PHC3: variants seen among roughly 807,000 people sequenced by gnomAD.
PHC3 encodes the protein polyhomeotic homolog 3, also known as polyhomeotic-like protein 3.
Under a neutral mutation model 107.4 loss-of-function variants are expected in PHC3, and 13 were observed. That is an observed-to-expected ratio of 0.12 (90% confidence interval 0.08 to 0.19). The LOEUF is 0.19. Ranked by LOEUF, PHC3 falls within the 10% of genes least tolerant of loss-of-function variation. The pLI is 1.00. For synonymous variants in PHC3, 456 were observed against 427.4 expected (o/e 1.07, Z -0.83); for missense variants, 992 against 1,210.9 (o/e 0.82, Z 2.68).
chr3:170,106,767 G>GT, intron 12 of PHC3, 65 bp downstream of exon 12: 1 of 1,053,886 alleles, frequency 9.5e-7, no homozygotes, highest in Non-Finnish European at 1.4e-6. Context: ...CTATTCAAGG[G>GT]TTTTTTGGTT....
chr3:170,126,528 A>ATATATATATATATATATATATATATTT (rs370421296), intron 8 of PHC3, among the ~76,000 whole-genome samples: 2 of 90,618 alleles, frequency 2.2e-5, no homozygotes, highest in African/African-American at 9.0e-5. Context: ...ATATATATAT[A>ATATATATATATATATATATATATATTT]TTTTTTTTTT....
At chr3:170,176,868 CATTTT>C (rs1270723591) in intron 2 of PHC3, 2 of 452,438 alleles carry the variant, frequency 4.4e-6, no homozygotes, top group Non-Finnish European at 8.9e-6. Flanking sequence ...GTCTCACCCT[CATTTT>C]AGTTTTCTGA....
At chr3:170,135,118 G>A (rs950735796) in intron 7 of PHC3, among the ~76,000 whole-genome samples, 6 of 152,018 alleles carry the variant, frequency 3.9e-5, no homozygotes, top group Non-Finnish European at 8.8e-5. Flanking sequence ...ACCCGATGAG[G>A]TTGCTGGAAC....
chr3:170,088,988 A>G lies in PHC3; in HGVS notation c.*8242T>C, dbSNP rs1235257476. ...CGAGTCCAGCCTGGCCAACATGGTG[A>G]AACCCCATCTCTACTAAAAATACAA... On this transcript the variant is annotated 3_prime_UTR_variant, in exon 15 of 15. Transcript: ENST00000495893. 2 of 152,212 alleles carry G rather than the reference A, an allele frequency of 1.3e-5. No homozygotes were observed. The highest frequency in any genetic ancestry group is 4.8e-5 in the African/African-American group (2 of 41,432). The allele number at this position is 152,212 out of a possible 1,614,324, so 9.4% of individuals were successfully genotyped here.
intron 10 of PHC3, among the ~76,000 whole-genome samples, chr3:170,115,844 T>C (rs1444036770): frequency 6.6e-6 from 1 of 151,468 alleles, no homozygotes; most frequent in Admixed American, 6.6e-5. Flanking sequence ...CTCCATCCAC[T>C]GTATGAGAAT....
At chr3:170,153,235 G>A (rs1241089949) in intron 4 of PHC3, among the ~76,000 whole-genome samples, 1 of 152,098 alleles carries the variant, frequency 6.6e-6, no homozygotes, top group Non-Finnish European at 1.5e-5. Flanking sequence ...TCATCCTGAT[G>A]CTTCCCTCTC....
chr3:170,156,160 A>G (rs1275121269), intron 4 of PHC3, among the ~76,000 whole-genome samples: 2 of 152,182 alleles, frequency 1.3e-5, no homozygotes, highest in African/African-American at 4.8e-5. Flanking sequence ...TACGTAGTTC[A>G]GGCTGGTCTC....
chr3:170,149,427 A>G (rs1725538590), intron 4 of PHC3, among the ~76,000 whole-genome samples, 183 bp from the exon 5 acceptor site: 1 of 152,042 alleles, frequency 6.6e-6, no homozygotes, highest in Non-Finnish European at 1.5e-5. Flanking sequence ...ATATGCAAAC[A>G]ATGGCATGGA....
At chr3:170,167,160 A>C (rs1418542831) in intron 4 of PHC3, among the ~76,000 whole-genome samples, 1 of 151,844 alleles carries the variant, frequency 6.6e-6, no homozygotes, top group Admixed American at 6.6e-5. Flanking sequence ...ATATATTTCT[A>C]TTTTTTTAGA....
At chr3:170,167,305 C>T (rs1728886312) in intron 4 of PHC3, among the ~76,000 whole-genome samples, 1 of 152,196 alleles carries the variant, frequency 6.6e-6, no homozygotes, top group African/African-American at 2.4e-5. Flanking sequence ...CTTGCCACCA[C>T]ATCCAGCTAA....
chr3:170,131,481 T>C (rs1048039273), intron 7 of PHC3, among the ~76,000 whole-genome samples: 6 of 152,168 alleles, frequency 3.9e-5, no homozygotes, highest in African/African-American at 4.8e-5. Context: ...CAATTCAATT[T>C]TGTAAGTAAA....
chr3:170,113,282 G>T, intron 11 of PHC3, 78 bp downstream of exon 11: 1 of 1,374,894 alleles, frequency 7.3e-7, no homozygotes, highest in Non-Finnish European at 9.8e-7. Flanking sequence ...ATTCTGTACA[G>T]AATAAAAATC....
Position 170,088,983 on chromosome 3 carries a change from T to C in PHC3, c.*8247A>G. 1 of 152,144 alleles carries C rather than the reference T, an allele frequency of 6.6e-6. No individual in the cohort carries two copies. The highest frequency in any genetic ancestry group is 1.5e-5 in the Non-Finnish European group (1 of 68,062). 9.4% of individuals were successfully genotyped at this position (152,144 alleles called of 1,614,324 possible). On this transcript the variant is annotated 3_prime_UTR_variant, in exon 15 of 15. Transcript: ENST00000495893. The stretch of plus-strand genomic sequence containing the variant: ...GAGTTCGAGTCCAGCCTGGCCAACA[T>C]GGTGAAACCCCATCTCTACTAAAAA...
chr3:170,155,460 C>G (rs1226773845), intron 4 of PHC3, among the ~76,000 whole-genome samples: 1 of 152,190 alleles, frequency 6.6e-6, no homozygotes, highest in African/African-American at 2.4e-5. Context: ...GTGGCTCATG[C>G]CAGTAATCCC....
chr3:170,180,752 G>A (rs747042399), intron 1 of PHC3, among the ~76,000 whole-genome samples: 1 of 152,108 alleles, frequency 6.6e-6, no homozygotes, highest in Non-Finnish European at 1.5e-5. Context: ...TTTTAAAAGT[G>A]TTAATCTGCT....
At chr3:170,124,321 C>T (rs1205447222) in intron 8 of PHC3, among the ~76,000 whole-genome samples, 1 of 152,158 alleles carries the variant, frequency 6.6e-6, no homozygotes, top group African/African-American at 2.4e-5. Context: ...AAGCTTATTA[C>T]TTAAGTTTAC....
rs146149780 is a variant in PHC3, at chr3:170,122,683, C to T, written c.1850G>A (p.Arg617Gln). The change falls in exon 9 of 15, where the codon CGG becomes CAG. Residue 617 changes from arginine to glutamine, a missense_variant. By Grantham distance (43) the Arg-to-Gln change is conservative (BLOSUM62 1). Around this residue, in one of 6 missense-constraint regions of PHC3, gnomAD observed 543 missense variants for 590.8 expected, o/e 0.92. Transcript: ENST00000495893. ...GGGTGGTGGTGGGGTTCTATCCATCCGGACACATTCATCTGACTCTTCTGG... is the reference window on the plus strand; with the variant it reads ...GGGTGGTGGTGGGGTTCTATCCATCTGGACACATTCATCTGACTCTTCTGG... ...EMPEESDECV[R>Q]MDRTPPPPTL... 1.5e-4 allele frequency: 238 copies of T among 1,613,878 alleles called. No homozygotes were observed. The African/African-American group carries it at 1.7e-3, about 12-fold the overall frequency.
At chr3:170,155,988 C>A (rs1726836378) in intron 4 of PHC3, among the ~76,000 whole-genome samples, 1 of 152,064 alleles carries the variant, frequency 6.6e-6, no homozygotes, top group Non-Finnish European at 1.5e-5. Flanking sequence ...CTCTTTAATG[C>A]TTACCTTAGT....
At chr3:170,112,394 TA>T (rs58060142) in intron 11 of PHC3, among the ~76,000 whole-genome samples, 63,724 of 148,306 alleles carry the variant, frequency 0.43, 13,530 homozygotes, top group East Asian at 0.52. Flanking sequence ...TATATATATA[TA>T]TTTTTTTTTA....
Sources: allele counts gnomAD v4.1 joint callset (sites outside exome capture counted in the v4.1 genomes callset), GRCh38; gene constraint gnomAD v4.1.1; regional missense constraint gnomAD v4.1.1; transcripts MANE v1.5; gene names NCBI Gene and HGNC (gene_info 2026-07-23, HGNC 2026-07-21).